Variants in CNBD1 observed in about 807,000 individuals in gnomAD.
CNBD1 encodes cyclic nucleotide binding domain containing 1, also known as cyclic nucleotide-binding domain-containing protein 1.
A neutral mutation model predicts 54.4 loss-of-function variants in CNBD1; 71 were observed. The ratio of observed to expected loss-of-function variants is 1.30; its 90% confidence interval spans 1.08 to 1.59. The LOEUF (loss-of-function observed/expected upper bound fraction) is 1.59, where lower values mean the gene tolerates loss of function less well. Ranked by LOEUF, CNBD1 falls within the 40% of genes most tolerant of loss-of-function variation. The pLI, the probability that CNBD1 is intolerant of heterozygous loss-of-function variation, is 0.00. For missense variants in CNBD1, 659 were observed against 518.0 expected (o/e 1.27, Z -2.64); for synonymous variants, 182 against 170.7 (o/e 1.07, Z -0.51).
intron 6 of CNBD1, among the ~76,000 whole-genome samples, chr8:87,251,595 GA>G (rs34264085): frequency 8.0e-4 from 108 of 135,366 alleles, no homozygotes; most frequent in Admixed American, 3.3e-3. Flanking sequence ...TCTCAAAAAA[GA>G]AAAAAAAAAA....
chr8:87,301,973 C>A (rs181354671), intron 8 of CNBD1, among the ~76,000 whole-genome samples: 1 of 152,148 alleles, frequency 6.6e-6, no homozygotes, highest in African/African-American at 2.4e-5. Flanking sequence ...CAATAACAGG[C>A]TCTGAAATTG....
chr8:87,205,539 C>T (rs1813954489), intron 4 of CNBD1, among the ~76,000 whole-genome samples: 1 of 152,058 alleles, frequency 6.6e-6, no homozygotes, highest in African/African-American at 2.4e-5. Flanking sequence ...GATTTATACC[C>T]TTAAGTGTTA....
chr8:87,087,345 G>A, intron 4 of CNBD1, among the ~76,000 whole-genome samples: 1 of 149,028 alleles, frequency 6.7e-6, no homozygotes, highest in East Asian at 1.9e-4. Context: ...TGGGTGTTTG[G>A]AGGGGATGAA....
At chr8:87,021,967 A>T (rs1809496733) in intron 4 of CNBD1, among the ~76,000 whole-genome samples, 1 of 143,482 alleles carries the variant, frequency 7.0e-6, no homozygotes, top group South Asian at 2.1e-4. Flanking sequence ...ATGAAAAATA[A>T]TTTATTTATA....
At chr8:87,152,876 A>G (rs1200027068) in intron 4 of CNBD1, among the ~76,000 whole-genome samples, 4 of 152,286 alleles carry the variant, frequency 2.6e-5, no homozygotes, top group Non-Finnish European at 5.9e-5. Context: ...AAGTTGTGTT[A>G]TATTAGTTTC....
intron 10 of CNBD1, among the ~76,000 whole-genome samples, chr8:87,367,292 A>G (rs899211746): frequency 6.6e-6 from 1 of 152,054 alleles, no homozygotes; most frequent in African/African-American, 2.4e-5. Flanking sequence ...TAGTCAGACA[A>G]TAGTGTACTC....
At chr8:87,353,888 T>A in intron 10 of CNBD1, 102 bp downstream of exon 10, 1 of 774,258 alleles carries the variant, frequency 1.3e-6, no homozygotes, top group Non-Finnish European at 2.0e-6. Flanking sequence ...ATTTATTAAA[T>A]TGGGGTTCAC....
At chr8:87,038,935 C>G (rs1007285774) in intron 4 of CNBD1, among the ~76,000 whole-genome samples, 4 of 152,192 alleles carry the variant, frequency 2.6e-5, no homozygotes, top group Non-Finnish European at 5.9e-5. Flanking sequence ...GCCTCTGATT[C>G]TTAAGCTTCT....
chr8:87,089,098 G>A (rs1423687398), intron 4 of CNBD1, among the ~76,000 whole-genome samples: 1 of 152,066 alleles, frequency 6.6e-6, no homozygotes, highest in African/African-American at 2.4e-5. Flanking sequence ...AAGATGTAAA[G>A]GCAAGAAAGA....
At chr8:87,057,726 G>A (rs1026685892) in intron 4 of CNBD1, among the ~76,000 whole-genome samples, 2 of 152,112 alleles carry the variant, frequency 1.3e-5, no homozygotes, top group Non-Finnish European at 2.9e-5. Context: ...GTACATACCT[G>A]TAATCCCAGC....
chr8:87,191,590 G>A (rs566130119), intron 4 of CNBD1, among the ~76,000 whole-genome samples: 12 of 152,290 alleles, frequency 7.9e-5, no homozygotes, highest in African/African-American at 2.9e-4. Context: ...ACCTGGTGTT[G>A]GAGTTGGGTT....
At chr8:86,991,658 C>G (rs1045253091) in intron 4 of CNBD1, among the ~76,000 whole-genome samples, 1 of 152,062 alleles carries the variant, frequency 6.6e-6, no homozygotes, top group Non-Finnish European at 1.5e-5. Flanking sequence ...GTGTTTAGTT[C>G]TGTAAACTTC....
Position 87,329,234 on chromosome 8 carries a change from A to T in CNBD1, c.1043-22451A>T, listed in dbSNP as rs114325454. 6.8e-3 allele frequency among the ~76,000 whole-genome samples: 1,041 copies of T among 152,106 alleles called. 11 individuals carry two copies. The highest frequency in any genetic ancestry group is 0.024 in the African/African-American group (982 of 41,514). ...AGGATCAGTTGACTATTTTTATGTG[A>T]GTTCATTTCTGGGCTTACATTGATC... is the stretch of plus-strand genomic sequence containing the variant. On this transcript the variant is annotated intron_variant, in intron 8 of 10. Transcript: ENST00000518476.
chr8:87,157,420 T>C (rs7813496), intron 4 of CNBD1, among the ~76,000 whole-genome samples: 2,025 of 152,274 alleles, frequency 0.013, 62 homozygotes, highest in African/African-American at 0.046. Context: ...CCCAAAGTAA[T>C]AAGGATAAGG....
intron 1 of CNBD1, among the ~76,000 whole-genome samples, chr8:86,881,864 A>G (rs1808610704): frequency 6.6e-6 from 1 of 152,150 alleles, no homozygotes; most frequent in African/African-American, 2.4e-5. Context: ...ATAAGTCCAC[A>G]CATCTATAAC....
chr8:87,191,855 A>T (rs1813616690), intron 4 of CNBD1, among the ~76,000 whole-genome samples: 1 of 152,164 alleles, frequency 6.6e-6, no homozygotes, highest in African/African-American at 2.4e-5. Context: ...ATATACTTTT[A>T]AAAGTGGAGA....
chr8:86,886,747 A>C (rs1173377772), intron 1 of CNBD1, among the ~76,000 whole-genome samples: 4 of 152,208 alleles, frequency 2.6e-5, no homozygotes, highest in Non-Finnish European at 5.9e-5. Flanking sequence ...TGATTTTCTC[A>C]ATAACTTTTC....
chr8:87,229,094 C>T (rs960301185), intron 5 of CNBD1, among the ~76,000 whole-genome samples: 1 of 152,198 alleles, frequency 6.6e-6, no homozygotes, highest in East Asian at 1.9e-4. Context: ...GGCAATGCCT[C>T]GCCCTGCTTT....
chr8:87,226,508 C>T (rs1341127547), intron 5 of CNBD1, among the ~76,000 whole-genome samples: 1 of 146,738 alleles, frequency 6.8e-6, no homozygotes. Flanking sequence ...ACCCAGTAGT[C>T]ATTCAGGAGC....
Sources: allele counts gnomAD v4.1 joint callset (sites outside exome capture counted in the v4.1 genomes callset), GRCh38; gene constraint gnomAD v4.1.1; transcripts MANE v1.5; gene names NCBI Gene and HGNC (gene_info 2026-07-23, HGNC 2026-07-21).